Variants in TYR observed in about 807,000 individuals in gnomAD.
TYR encodes the protein tyrosinase.
TYR carries 58 observed loss-of-function variants against 51.5 expected under a neutral mutation model. That is an observed-to-expected ratio of 1.13 (90% CI 0.91 to 1.40). The LOEUF is 1.40. Ranked by LOEUF, TYR falls within the 40% of genes most tolerant of loss-of-function variation. The pLI is 0.00. For missense variants in TYR, 732 were observed against 647.4 expected, an observed-to-expected ratio of 1.13 and a Z score of -1.42; for synonymous variants, 263 against 235.2, an observed-to-expected ratio of 1.12 and a Z score of -1.08.
chr11:89,221,338 C>T (rs186500269), intron 2 of TYR, among the ~76,000 whole-genome samples: 2 of 152,250 alleles, frequency 1.3e-5, no homozygotes, highest in South Asian at 2.1e-4. Context: ...TCATTTGCTT[C>T]GTTACTCTAT....
rs114363406 is a variant in TYR, at chr11:89,226,997, T to C, written c.1037-826T>C. 7.8e-3 allele frequency among the ~76,000 whole-genome samples: 1,185 copies of C among 152,200 alleles called. 15 individuals are homozygous for C. The highest frequency in any genetic ancestry group is 0.026 in the African/African-American group (1,091 of 41,544). On this transcript the variant is annotated intron_variant, in intron 2 of 4. Coordinates refer to ENST00000263321, the MANE Select transcript of TYR (RefSeq NM_000372.5). ...GCACATGGGAGAGAACACAAAATTC[T>C]AAGAGCTCATATCTTAGCGTCTAAT...
At chr11:89,262,461 C>T (rs1944468515) in intron 3 of TYR, among the ~76,000 whole-genome samples, 1 of 151,252 alleles carries the variant, frequency 6.6e-6, no homozygotes, top group Admixed American at 6.6e-5. Context: ...TCAAACTAAA[C>T]TCAAATAAGA....
intron 3 of TYR, among the ~76,000 whole-genome samples, chr11:89,258,128 G>A (rs181059703): frequency 6.6e-6 from 1 of 152,104 alleles, no homozygotes; most frequent in Non-Finnish European, 1.5e-5. Context: ...TATGACAATG[G>A]AGTGATTGAT....
intron 3 of TYR, among the ~76,000 whole-genome samples, chr11:89,242,561 G>A (rs1944212817): frequency 6.6e-6 from 1 of 152,170 alleles, no homozygotes; most frequent in Admixed American, 6.6e-5. Context: ...GGACTTTGGT[G>A]AAGGTGGTCA....
chr11:89,294,585 G>A (rs866463695), intron 4 of TYR, among the ~76,000 whole-genome samples: 1 of 152,274 alleles, frequency 6.6e-6, no homozygotes, highest in South Asian at 2.1e-4. Context: ...CCCAACCCCC[G>A]AAGCCTTAGG....
intron 3 of TYR, among the ~76,000 whole-genome samples, chr11:89,228,766 C>A (rs1944006992): frequency 6.6e-6 from 1 of 152,014 alleles, no homozygotes; most frequent in Non-Finnish European, 1.5e-5. Context: ...AGCCTTCTTC[C>A]ATTACATTTG....
At chr11:89,193,277 G>A (rs546183404) in intron 2 of TYR, among the ~76,000 whole-genome samples, 47 of 152,204 alleles carry the variant, frequency 3.1e-4, no homozygotes, top group African/African-American at 1.0e-3. Context: ...AAGAAGCATG[G>A]GTTAGTTGCA....
chr11:89,202,998 G>A (rs1943620035), intron 2 of TYR, among the ~76,000 whole-genome samples: 1 of 152,076 alleles, frequency 6.6e-6, no homozygotes, highest in African/African-American at 2.4e-5. Context: ...ATTAGCCTTT[G>A]ATTCATATAA....
intron 2 of TYR, among the ~76,000 whole-genome samples, chr11:89,204,502 C>T (rs1382787865): frequency 6.6e-6 from 1 of 151,772 alleles, no homozygotes; most frequent in Non-Finnish European, 1.5e-5. Flanking sequence ...AGCTGGGATT[C>T]CCCTGCCTCA....
At chr11:89,258,139 T>C (rs1160756890) in intron 3 of TYR, among the ~76,000 whole-genome samples, 1 of 152,062 alleles carries the variant, frequency 6.6e-6, no homozygotes, top group Admixed American at 6.6e-5. Flanking sequence ...AGTGATTGAT[T>C]GCTATGGTGA....
chr11:89,201,057 T>A (rs1362629402), intron 2 of TYR, among the ~76,000 whole-genome samples: 4 of 152,176 alleles, frequency 2.6e-5, no homozygotes, highest in African/African-American at 9.7e-5. Context: ...ATCTTCCAAA[T>A]GTTAAAATAT....
chr11:89,290,998 A>T (rs1017213838), intron 4 of TYR, among the ~76,000 whole-genome samples: 7 of 152,148 alleles, frequency 4.6e-5, no homozygotes, highest in Admixed American at 2.0e-4. Context: ...TCTCCTAAAT[A>T]GATTCTATAG....
chr11:89,269,715 G>C (rs1944567791), intron 3 of TYR, among the ~76,000 whole-genome samples: 1 of 151,820 alleles, frequency 6.6e-6, no homozygotes, highest in Non-Finnish European at 1.5e-5. Flanking sequence ...GAATTTCTTA[G>C]CTATGTAACA....
intron 2 of TYR, among the ~76,000 whole-genome samples, chr11:89,223,770 A>T (rs1943942500): frequency 6.6e-6 from 1 of 152,184 alleles, no homozygotes; most frequent in African/African-American, 2.4e-5. Flanking sequence ...AATTGTTACT[A>T]TAATAAAACT....
At chr11:89,229,997 C>T (rs1024720038) in intron 3 of TYR, among the ~76,000 whole-genome samples, 9 of 151,928 alleles carry the variant, frequency 5.9e-5, no homozygotes, top group Admixed American at 2.0e-4. Context: ...CAATGTAATC[C>T]TATCAAAATA....
At chr11:89,270,490 G>A (rs939531709) in intron 3 of TYR, among the ~76,000 whole-genome samples, 16 of 151,656 alleles carry the variant, frequency 1.1e-4, no homozygotes, top group African/African-American at 3.9e-4. Flanking sequence ...TTCCTCATTT[G>A]GCTTTCTACT....
rs1338186937 is a variant in TYR at position 89,178,548 on chromosome 11, G to A, written c.595G>A (p.Asp199Asn). The change falls in exon 1 of 5, where the codon GAT becomes AAT. Residue 199 changes from aspartate (D) to asparagine (N), a missense_variant. Transcript: ENST00000263321. The stretch of plus-strand genomic sequence containing the variant: ...GGGATCTGAAATCTGGAGAGACATT[G>A]ATTTTGCCCATGAAGCACCAGCTTT... ...LGGSEIWRDI[D>N]FAHEAPAFLP... The A allele has an allele frequency of 6.2e-7, 1 of 1,614,048 alleles. No homozygotes were observed. The highest frequency in any genetic ancestry group is 8.5e-7 in the Non-Finnish European group (1 of 1,180,032).
At chr11:89,287,496 T>C (rs1192733678) in intron 4 of TYR, among the ~76,000 whole-genome samples, 1 of 151,856 alleles carries the variant, frequency 6.6e-6, no homozygotes, top group Non-Finnish European at 1.5e-5. Context: ...AACAACATAG[T>C]CTCTATCTTC....
chr11:89,279,753 T>C (rs1944698967), intron 3 of TYR, among the ~76,000 whole-genome samples: 1 of 151,720 alleles, frequency 6.6e-6, no homozygotes, highest in African/African-American at 2.4e-5. Flanking sequence ...TTAACCTTGA[T>C]CACCTGGCAG....
Sources: gnomAD v4.1 joint callset for allele counts (sites outside exome capture counted in the v4.1 genomes callset) on GRCh38, gnomAD v4.1.1 for gene constraint, MANE v1.5 for transcripts, NCBI Gene and HGNC (gene_info 2026-07-23, HGNC 2026-07-21) for gene names.